The following CACNA1E variants were observed in gnomAD, a reference collection of about 807,000 sequenced individuals.
The protein encoded by CACNA1E is calcium voltage-gated channel subunit alpha1 E.
CACNA1E carries 40 observed loss-of-function variants against 259.2 expected under a neutral mutation model. The observed-to-expected ratio is 0.15, with a 90% CI of 0.12 to 0.20. The LOEUF is 0.20. Among genes scored for constraint, CACNA1E ranks in the 10% least tolerant of loss-of-function variants. CACNA1E has a pLI of 1.00. For synonymous variants in CACNA1E, 1,104 were observed against 1,138.5 expected (o/e 0.97, Z 0.61); for missense variants, 1,874 against 3,040.1 (o/e 0.62, Z 9.02).
At chr1:181,369,502 A>G (rs1654527649) in intron 1 of CACNA1E, among the ~76,000 whole-genome samples, 1 of 152,236 alleles carries the variant, frequency 6.6e-6, no homozygotes, top group Admixed American at 6.5e-5. Flanking sequence ...AATTTGTAGA[A>G]TGAAAGCCAT....
chr1:181,338,258 A>G (rs894973147), intron 1 of CACNA1E, among the ~76,000 whole-genome samples: 1 of 151,958 alleles, frequency 6.6e-6, no homozygotes, highest in African/African-American at 2.4e-5. Context: ...GCTAATTTAT[A>G]TATTTTTAGT....
intron 1 of CACNA1E, among the ~76,000 whole-genome samples, chr1:181,509,782 C>A (rs1015088595): frequency 6.6e-6 from 1 of 152,142 alleles, no homozygotes; most frequent in Non-Finnish European, 1.5e-5. Context: ...ACTTTGCTGT[C>A]CAGGATTCCA....
At chr1:181,524,704 A>G (rs1016829330) in intron 3 of CACNA1E, among the ~76,000 whole-genome samples, 2 of 151,894 alleles carry the variant, frequency 1.3e-5, no homozygotes, top group Admixed American at 1.3e-4. Flanking sequence ...AATAAGGCAT[A>G]CTCCTTAAAT....
intron 2 of CACNA1E, among the ~76,000 whole-genome samples, chr1:181,477,469 G>T (rs904373818): frequency 6.6e-6 from 1 of 152,182 alleles, no homozygotes; most frequent in Non-Finnish European, 1.5e-5. Context: ...GCTCATCAAA[G>T]GGGATTAATG....
intron 1 of CACNA1E, among the ~76,000 whole-genome samples, chr1:181,405,208 GT>G (rs1657378435): frequency 6.6e-6 from 1 of 152,246 alleles, no homozygotes; most frequent in South Asian, 2.1e-4. Context: ...CTTGGTCTGA[GT>G]GGGTGGGAGG....
intron 15 of CACNA1E, among the ~76,000 whole-genome samples, chr1:181,721,258 A>G (rs1258704270): frequency 6.6e-6 from 1 of 152,158 alleles, no homozygotes; most frequent in Non-Finnish European, 1.5e-5. Flanking sequence ...CCAAAACTCA[A>G]CCGTTTAAAT....
chr1:181,791,363 C>T (rs1424423227), intron 44 of CACNA1E, among the ~76,000 whole-genome samples: 1 of 152,198 alleles, frequency 6.6e-6, no homozygotes, highest in Non-Finnish European at 1.5e-5. Flanking sequence ...GTTCCAGCTA[C>T]TCAGGAGGCT....
chr1:181,685,770 C>A (rs1650469829), intron 7 of CACNA1E, among the ~76,000 whole-genome samples: 1 of 152,202 alleles, frequency 6.6e-6, no homozygotes, highest in South Asian at 2.1e-4. Flanking sequence ...TGGAATACTT[C>A]ACCTATATCT....
At chr1:181,749,385 T>G (rs1443701080) in intron 25 of CACNA1E, among the ~76,000 whole-genome samples, 2 of 152,208 alleles carry the variant, frequency 1.3e-5, no homozygotes, top group African/African-American at 4.8e-5. Flanking sequence ...CAGTTTCCTG[T>G]GCAGTTGGGT....
chr1:181,646,954 C>G (rs1658326914), intron 6 of CACNA1E, among the ~76,000 whole-genome samples: 1 of 152,224 alleles, frequency 6.6e-6, no homozygotes. Context: ...GAACTGCTTT[C>G]TCTGTCATCA....
At position 181,498,723 on chromosome 1, in the gene CACNA1E, A is replaced by G. The variant is rs114795854; in HGVS notation, c.267-11754A>G. Among the ~76,000 whole-genome samples the G allele has an allele frequency of 5.7e-3, 868 of 152,344 alleles. 9 individuals are homozygous for G. Among genetic ancestry groups the G allele is most frequent in the African/African-American group, 0.019 (780 of 41,570 alleles). On this transcript the variant is annotated intron_variant, in intron 1 of 47. Coordinates refer to ENST00000367573, the MANE Select transcript of CACNA1E (RefSeq NM_001205293.3). ...CATAGAGGTTAAATGATTTGCCTCA[A>G]TAAGTGGCAGAGCAGAGCCTAGAAC...
At chr1:181,487,808 A>G (rs1299140342) in intron 1 of CACNA1E, among the ~76,000 whole-genome samples, 3 of 152,174 alleles carry the variant, frequency 2.0e-5, no homozygotes, top group African/African-American at 4.8e-5. Context: ...ACGGGTGTGA[A>G]GGCAAGAAGT....
At chr1:181,620,542 G>T (rs1250073937) in intron 6 of CACNA1E, among the ~76,000 whole-genome samples, 1 of 152,162 alleles carries the variant, frequency 6.6e-6, no homozygotes. Flanking sequence ...GAACACAGCT[G>T]CTCTCAACTT....
At chr1:181,325,128 G>A (rs550840275) in intron 1 of CACNA1E, among the ~76,000 whole-genome samples, 6 of 152,272 alleles carry the variant, frequency 3.9e-5, no homozygotes, top group South Asian at 4.2e-4. Flanking sequence ...CCTGCCTGCC[G>A]GAAGAGTTGA....
chr1:181,664,019 A>C (rs1309920062), intron 7 of CACNA1E, among the ~76,000 whole-genome samples: 2 of 152,216 alleles, frequency 1.3e-5, no homozygotes, highest in African/African-American at 4.8e-5. Context: ...AAAAAGACAA[A>C]ACAGTTATTC....
chr1:181,785,526 C>A, intron 42 of CACNA1E, 108 bp downstream of exon 42: 1 of 908,822 alleles, frequency 1.1e-6, no homozygotes, highest in Non-Finnish European at 1.8e-6. Context: ...TTAGAAGCAG[C>A]AGTAATGGGT....
intron 6 of CACNA1E, among the ~76,000 whole-genome samples, chr1:181,633,172 G>A (rs1010442203): frequency 6.6e-6 from 1 of 152,128 alleles, no homozygotes; most frequent in African/African-American, 2.4e-5. Context: ...TGTCCCTTCA[G>A]AGGTGTCTCT....
intron 2 of CACNA1E, among the ~76,000 whole-genome samples, chr1:181,461,770 ATT>A (rs893427255): frequency 6.9e-6 from 1 of 144,584 alleles, no homozygotes; most frequent in Non-Finnish European, 1.5e-5. Flanking sequence ...CCCATCTTAG[ATT>A]TTTTTTTTTT....
intron 6 of CACNA1E, among the ~76,000 whole-genome samples, chr1:181,602,677 G>A (rs2103070804): frequency 6.6e-6 from 1 of 152,266 alleles, no homozygotes; most frequent in South Asian, 2.1e-4. Flanking sequence ...GGCTGCATTT[G>A]TGAGATGGTT....
Sources: allele counts gnomAD v4.1 joint callset (sites outside exome capture counted in the v4.1 genomes callset), GRCh38; gene constraint gnomAD v4.1.1; transcripts MANE v1.5; gene names NCBI Gene and HGNC (gene_info 2026-07-23, HGNC 2026-07-21).